PLCXD3: variants seen among roughly 807,000 people sequenced by gnomAD.
PLCXD3 encodes the protein phosphatidylinositol specific phospholipase C X domain containing 3.
In PLCXD3, 19 loss-of-function variants were observed where a neutral mutation model predicts 25.5. That is an observed-to-expected ratio of 0.75 (90% CI 0.52 to 1.09). The LOEUF is 1.09. Ranked by LOEUF, PLCXD3 falls within the 50% of genes least tolerant of loss-of-function variation. PLCXD3 has a pLI of 0.00. For synonymous variants in PLCXD3, 174 were observed against 137.6 expected, an observed-to-expected ratio of 1.26 and a Z score of -1.85; for missense variants, 411 against 388.1, an observed-to-expected ratio of 1.06 and a Z score of -0.50.
intron 2 of PLCXD3, among the ~76,000 whole-genome samples, chr5:41,336,581 T>C (rs1743986846): frequency 6.6e-6 from 1 of 152,178 alleles, no homozygotes; most frequent in Admixed American, 6.6e-5. Context: ...CCCTTCCAGA[T>C]GGAGAGTGCT....
intron 2 of PLCXD3, among the ~76,000 whole-genome samples, chr5:41,347,770 C>G (rs996413749): frequency 6.6e-6 from 1 of 152,148 alleles, no homozygotes; most frequent in South Asian, 2.1e-4. Flanking sequence ...CAACTGGAGG[C>G]GCTATTATTC....
At chr5:41,501,787 T>C (rs1158818132) in intron 1 of PLCXD3, among the ~76,000 whole-genome samples, 1 of 152,124 alleles carries the variant, frequency 6.6e-6, no homozygotes, top group African/African-American at 2.4e-5. Flanking sequence ...ACCACATCAA[T>C]GTTGCTGAAA....
chr5:41,410,974 C>T (rs1346050009), intron 1 of PLCXD3, among the ~76,000 whole-genome samples: 1 of 152,112 alleles, frequency 6.6e-6, no homozygotes, highest in Non-Finnish European at 1.5e-5. Flanking sequence ...TATATGTAAC[C>T]ACAGGAGCAG....
intron 1 of PLCXD3, among the ~76,000 whole-genome samples, chr5:41,499,927 C>A (rs1394018744): frequency 6.6e-6 from 1 of 151,592 alleles, no homozygotes. Context: ...AACTAGATAT[C>A]CACATGAGAA....
At chr5:41,365,253 A>T (rs531970390) in intron 2 of PLCXD3, among the ~76,000 whole-genome samples, 1 of 152,310 alleles carries the variant, frequency 6.6e-6, no homozygotes, top group African/African-American at 2.4e-5. Context: ...AGAGAATATC[A>T]TATTTGAGTA....
At chr5:41,509,137 C>G (rs926665544) in intron 1 of PLCXD3, among the ~76,000 whole-genome samples, 4 of 152,154 alleles carry the variant, frequency 2.6e-5, no homozygotes, top group African/African-American at 9.7e-5. Flanking sequence ...TAGTGATTTT[C>G]AAAATAACCC....
At chr5:41,374,167 G>T (rs958032371) in intron 2 of PLCXD3, among the ~76,000 whole-genome samples, 1 of 152,092 alleles carries the variant, frequency 6.6e-6, no homozygotes, top group Admixed American at 6.6e-5. Context: ...TTAAGGTGCA[G>T]CTTGTTTGTG....
In PLCXD3 at chr5:41,307,223, A is replaced by G. The variant is rs1042499955; in HGVS notation, c.*6394T>C. 4.6e-5 allele frequency: 7 copies of G among 152,582 alleles called. No individual in the cohort carries two copies. Among genetic ancestry groups the G allele is most frequent in the African/African-American group, 1.4e-4 (6 of 41,440 alleles). 9.5% of individuals were successfully genotyped at this position (152,582 alleles called of 1,614,324 possible). ...CATCCTCCAGAAATGAAGCAAATCAACACAAATGTGTGTAAGCAGGAGTCA... is the reference window on the plus strand; with the variant it reads ...CATCCTCCAGAAATGAAGCAAATCAGCACAAATGTGTGTAAGCAGGAGTCA... On this transcript the variant is annotated 3_prime_UTR_variant, in exon 3 of 3. Transcript: ENST00000377801.
intron 1 of PLCXD3, among the ~76,000 whole-genome samples, chr5:41,429,175 T>G (rs933837760): frequency 6.6e-6 from 1 of 152,098 alleles, no homozygotes; most frequent in African/African-American, 2.4e-5. Context: ...AGATGTTACT[T>G]AGTGAAAATT....
At chr5:41,327,109 T>G (rs986639507) in intron 2 of PLCXD3, among the ~76,000 whole-genome samples, 11 of 152,050 alleles carry the variant, frequency 7.2e-5, no homozygotes, top group Middle Eastern at 3.2e-3. Flanking sequence ...TAGGCCCTCT[T>G]AAGATAAAGA....
intron 1 of PLCXD3, among the ~76,000 whole-genome samples, chr5:41,407,234 T>C (rs1431487631): frequency 1.3e-5 from 2 of 152,194 alleles, no homozygotes; most frequent in Non-Finnish European, 2.9e-5. Context: ...GGTTCATTCC[T>C]GATAGTACTT....
At chr5:41,448,397 G>A (rs1331840406) in intron 1 of PLCXD3, among the ~76,000 whole-genome samples, 1 of 152,142 alleles carries the variant, frequency 6.6e-6, no homozygotes, top group Non-Finnish European at 1.5e-5. Context: ...AGCCAATATG[G>A]CAATCATCTG....
At chr5:41,494,601 G>C (rs1157084068) in intron 1 of PLCXD3, among the ~76,000 whole-genome samples, 1 of 152,160 alleles carries the variant, frequency 6.6e-6, no homozygotes, top group Non-Finnish European at 1.5e-5. Context: ...AATGGATGAT[G>C]ATATTAATAG....
chr5:41,407,226 T>C (rs925399341), intron 1 of PLCXD3, among the ~76,000 whole-genome samples: 1 of 152,190 alleles, frequency 6.6e-6, no homozygotes, highest in Non-Finnish European at 1.5e-5. Flanking sequence ...TAGGCAGTGG[T>C]TCATTCCTGA....
At chr5:41,452,529 C>T (rs1456899870) in intron 1 of PLCXD3, among the ~76,000 whole-genome samples, 2 of 151,832 alleles carry the variant, frequency 1.3e-5, no homozygotes, top group East Asian at 3.9e-4. Context: ...CCTTAGACTC[C>T]AAACAAAACA....
At chr5:41,359,185 G>T (rs1043261419) in intron 2 of PLCXD3, among the ~76,000 whole-genome samples, 1 of 151,948 alleles carries the variant, frequency 6.6e-6, no homozygotes, top group Non-Finnish European at 1.5e-5. Context: ...TTCTTTTTTT[G>T]TTATGTCCTT....
chr5:41,478,266 C>A (rs1413077979), intron 1 of PLCXD3, among the ~76,000 whole-genome samples: 1 of 152,118 alleles, frequency 6.6e-6, no homozygotes, highest in Non-Finnish European at 1.5e-5. Context: ...AGCTGAGCAA[C>A]AAAGGGCTTG....
At chr5:41,485,251 T>C (rs999499481) in intron 1 of PLCXD3, among the ~76,000 whole-genome samples, 2 of 152,064 alleles carry the variant, frequency 1.3e-5, no homozygotes, top group African/African-American at 2.4e-5. Flanking sequence ...AGTGAAAAAA[T>C]GTCTTAATGG....
At chr5:41,425,686 A>G (rs1746941535) in intron 1 of PLCXD3, among the ~76,000 whole-genome samples, 2 of 152,078 alleles carry the variant, frequency 1.3e-5, no homozygotes, top group African/African-American at 4.8e-5. Flanking sequence ...TACTGTTTTC[A>G]TAATTTTGTC....
Sources: allele counts gnomAD v4.1 joint callset (sites outside exome capture counted in the v4.1 genomes callset), GRCh38; gene constraint gnomAD v4.1.1; transcripts MANE v1.5; gene names NCBI Gene and HGNC (gene_info 2026-07-23, HGNC 2026-07-21).